Variants in CFH observed in about 807,000 individuals in gnomAD.
CFH encodes the protein complement factor H, also known as H factor 1 (complement).
In CFH, 53 loss-of-function variants were observed where a neutral mutation model predicts 147.3. The ratio of observed to expected loss-of-function variants is 0.36; its 90% CI spans 0.29 to 0.45. The LOEUF (loss-of-function observed/expected upper bound fraction) is 0.45, where lower values mean the gene tolerates loss of function less well. CFH is among the 20% of genes least tolerant of loss of function. The pLI, the probability that CFH is intolerant of heterozygous loss-of-function variation, is 1.00. For missense variants in CFH, 1,380 were observed against 1,498.0 expected (o/e 0.92, Z 1.30); for synonymous variants, 536 against 489.4 (o/e 1.10, Z -1.26).
At position 196,728,534 on chromosome 1, in the gene CFH, T is replaced by C. The variant is rs1196745969; in HGVS notation, c.2413+12T>C. 4 of 1,611,728 alleles carry C rather than the reference T, an allele frequency of 2.5e-6. 1 individual carries two copies. Among genetic ancestry groups the C allele is most frequent in the South Asian group, 2.2e-5 (2 of 91,036 alleles). On this transcript the variant is annotated intron_variant, in intron 15 of 21. Transcript: ENST00000367429. ...AGTGAACTGCTCAAGTAAGCTCTTA[T>C]TTTGTTTTCAGAAATGTATTCTATT...
At chr1:196,668,092 A>G (rs1016476923) in intron 1 of CFH, among the ~76,000 whole-genome samples, 6 of 152,240 alleles carry the variant, frequency 3.9e-5, no homozygotes, top group African/African-American at 1.4e-4. Context: ...AAATATACAT[A>G]GCATAGGGTT....
At chr1:196,737,043 A>C in intron 16 of CFH, 37 bp downstream of exon 16, 1 of 1,534,752 alleles carries the variant, frequency 6.5e-7, no homozygotes, top group Non-Finnish European at 9.0e-7. Flanking sequence ...TAATTCTTTC[A>C]AATGAGGTTA....
chr1:196,671,875 G>C (rs1052758235), intron 1 of CFH, among the ~76,000 whole-genome samples: 1 of 149,220 alleles, frequency 6.7e-6, no homozygotes, highest in Non-Finnish European at 1.5e-5. Flanking sequence ...GCAGAAAAGT[G>C]AACATATATA....
rs1652783810 is a variant in CFH, at chr1:196,740,740, T to C, written c.2904T>C (p.Pro968=). 1 of 1,613,940 alleles carries C rather than the reference T, an allele frequency of 6.2e-7. No individual in the cohort carries two copies. The highest frequency in any genetic ancestry group is 1.3e-5 in the African/African-American group (1 of 74,928). ...TTGAAGGTTTTGGAATTGATGGGCC[T>C]GCAATTGCAAAATGCTTAGGAGAAA... ...KCFEGFGIDG[P]AIAKCLGEKW... Residue 968 remains proline, a synonymous_variant, in exon 18 of 22, where the codon CCT becomes CCC. Transcript: ENST00000367429.
intron 1 of CFH, among the ~76,000 whole-genome samples, chr1:196,662,961 T>C (rs1233628130): frequency 6.8e-6 from 1 of 146,558 alleles, no homozygotes; most frequent in Non-Finnish European, 1.5e-5. Flanking sequence ...TAGATAGTTA[T>C]TTCTTCCTGA....
chr1:196,663,231 C>A (rs2149071175), intron 1 of CFH, among the ~76,000 whole-genome samples: 1 of 152,054 alleles, frequency 6.6e-6, no homozygotes, highest in South Asian at 2.1e-4. Context: ...CTTTTCTATC[C>A]TCATTGACTC....
At chr1:196,658,169 AC>A (rs1666769634) in intron 1 of CFH, among the ~76,000 whole-genome samples, 1 of 151,978 alleles carries the variant, frequency 6.6e-6, no homozygotes, top group Non-Finnish European at 1.5e-5. Context: ...TATAGTAAAA[AC>A]ATTCCTACTC....
At position 196,742,009 on chromosome 1, in the gene CFH, A is replaced by G. The variant is rs779431195; in HGVS notation, c.3091A>G (p.Thr1031Ala). The change falls in exon 19 of 22, where the codon ACA becomes GCA. Residue 1031 changes from threonine (T) to alanine (A), a missense_variant. Thr to Ala is a moderately conservative substitution (Grantham distance 58, BLOSUM62 0). This residue lies in a region of CFH where 830 missense variants were observed against 821.4 expected (regional missense o/e 1.01). Transcript: ENST00000367429. ...YYKMDGASNV[T>A]CINSRWTGRP... is the part of the protein sequence containing the mutation. ...CAAAATGGATGGAGCCAGTAATGTA[A>G]CATGCATTAATAGCAGATGGACAGG... is the stretch of plus-strand genomic sequence containing the variant. 3 of 1,614,086 alleles carry G rather than the reference A, an allele frequency of 1.9e-6. No individual in the cohort carries two copies.
chr1:196,701,361 C>T (rs369090197), intron 9 of CFH: 2 of 1,613,624 alleles, frequency 1.2e-6, no homozygotes, highest in East Asian at 2.2e-5. Flanking sequence ...CCCTCTCCAG[C>T]TTGAGTGGAT....
At chr1:196,673,658 G>A (rs186601750) in intron 2 of CFH, among the ~76,000 whole-genome samples, 199 bp from the exon 3 acceptor site, 1 of 152,100 alleles carries the variant, frequency 6.6e-6, no homozygotes, top group African/African-American at 2.4e-5. Context: ...TTTTCAAAAA[G>A]GGGTGGTCAT....
chr1:196,674,565 T>C (rs1667392358), intron 3 of CFH, among the ~76,000 whole-genome samples: 1 of 150,894 alleles, frequency 6.6e-6, no homozygotes, highest in South Asian at 2.1e-4. Flanking sequence ...CCTTATTCTC[T>C]GCTAGATGAA....
chr1:196,683,721 G>T (rs1326794440), intron 6 of CFH, among the ~76,000 whole-genome samples: 1 of 151,786 alleles, frequency 6.6e-6, no homozygotes, highest in African/African-American at 2.4e-5. Flanking sequence ...CTAAACTAAA[G>T]ACTTAAATCA....
intron 1 of CFH, among the ~76,000 whole-genome samples, chr1:196,669,941 T>C (rs771263626): frequency 2.0e-4 from 31 of 152,142 alleles, no homozygotes; most frequent in Non-Finnish European, 2.8e-4. Context: ...TGCAAAACCA[T>C]TGGGGCAGGT....
chr1:196,738,123 C>T (rs1190121108), intron 17 of CFH, among the ~76,000 whole-genome samples: 1 of 152,152 alleles, frequency 6.6e-6, no homozygotes, highest in Non-Finnish European at 1.5e-5. Context: ...AACACACTCA[C>T]TATCCTGAGA....
At chr1:196,719,358 A>C (rs763584712) in intron 11 of CFH, among the ~76,000 whole-genome samples, 2 of 151,608 alleles carry the variant, frequency 1.3e-5, no homozygotes, top group Non-Finnish European at 3.0e-5. Flanking sequence ...ACACACATAC[A>C]AAAAAAAGAA....
At chr1:196,702,510 A>G (rs1226512230) in intron 9 of CFH, among the ~76,000 whole-genome samples, 1 of 127,678 alleles carries the variant, frequency 7.8e-6, no homozygotes, top group Admixed American at 9.0e-5. Flanking sequence ...AAGTTTATGG[A>G]AGGAACAGGA....
In CFH at chr1:196,715,664, A is replaced by G. The variant is rs747757010; in HGVS notation, c.1591A>G (p.Thr531Ala). 1.2e-6 allele frequency: 2 copies of G among 1,612,808 alleles called. No individual in the cohort carries two copies. The highest frequency in any genetic ancestry group is 1.7e-5 in the Admixed American group (1 of 59,894). Reference sequence around the variant, plus strand: ...CTTCACATGGTTTAAGCTGAATGACACATTGGACTATGAATGCCATGATGG... The same window carrying G: ...CTTCACATGGTTTAAGCTGAATGACGCATTGGACTATGAATGCCATGATGG... ...NDFTWFKLND[T>A]LDYECHDGYE... Residue 531 changes from threonine to alanine, a missense_variant, in exon 11 of 22, where the codon ACA becomes GCA. This residue lies in a region of CFH where 830 missense variants were observed against 821.4 expected (regional missense o/e 1.01). Coordinates refer to ENST00000367429, the MANE Select transcript of CFH (RefSeq NM_000186.4).
intron 6 of CFH, 44 bp from the exon 7 acceptor site, chr1:196,685,020 G>A (rs191031067): frequency 1.1e-4 from 150 of 1,404,830 alleles, no homozygotes; most frequent in South Asian, 8.2e-4. Context: ...TAATTTTAAC[G>A]GATACTTATT....
At chr1:196,738,623 T>C (rs1049195263) in intron 17 of CFH, among the ~76,000 whole-genome samples, 2 of 152,268 alleles carry the variant, frequency 1.3e-5, no homozygotes, top group Admixed American at 1.3e-4. Context: ...ATTCAGGTCA[T>C]GCTGATGCAA....
Sources: allele counts gnomAD v4.1 joint callset (sites outside exome capture counted in the v4.1 genomes callset), GRCh38; gene constraint gnomAD v4.1.1; regional missense constraint gnomAD v4.1.1; transcripts MANE v1.5; gene names NCBI Gene and HGNC (gene_info 2026-07-23, HGNC 2026-07-21).